Variants in CHN2 observed in about 807,000 individuals in gnomAD.
CHN2 encodes the protein chimerin 2, also known as beta-chimaerin.
Under a neutral mutation model 56.3 loss-of-function variants are expected in CHN2, and 35 were observed. The observed-to-expected ratio is 0.62, with a 90% CI of 0.47 to 0.82. The LOEUF is 0.82. Among genes scored for constraint, CHN2 ranks in the 40% least tolerant of loss-of-function variants. CHN2 has a pLI of 0.00. For missense variants in CHN2, 491 were observed against 580.5 expected (o/e 0.85, Z 1.58); for synonymous variants, 210 against 212.8 (o/e 0.99, Z 0.12).
Position 29,375,217 on chromosome 7 carries a change from T to C in CHN2, c.144+7230T>C, listed in dbSNP as rs866868989. Among the ~76,000 whole-genome samples the C allele has an allele frequency of 4.9e-4, 40 of 80,964 alleles. No individual in the cohort carries two copies. In the South Asian group the frequency reaches 9.3e-3, roughly 19 times the overall value. 53.1% of individuals were successfully genotyped at this position (80,964 alleles called of 152,430 possible). ...TTTTTTTTTTTTTTTTTTTTTTTTT[T>C]TGACGGAGTCTTGCTCTGTGGCCCA... On this transcript the variant is annotated intron_variant, in intron 3 of 12. Transcript: ENST00000222792.
chr7:29,279,788 C>A (rs1041106942), intron 1 of CHN2, among the ~76,000 whole-genome samples: 11 of 152,142 alleles, frequency 7.2e-5, no homozygotes, highest in African/African-American at 2.7e-4. Context: ...GATTTGGAAA[C>A]CAGTCTAGAG....
chr7:29,354,512 C>T, intron 1 of CHN2, 113 bp from the exon 2 acceptor site: 1 of 900,498 alleles, frequency 1.1e-6, no homozygotes, highest in South Asian at 1.5e-5. Context: ...GAGAGTCCCC[C>T]TGAGACCCGC....
At chr7:29,213,948 G>A (rs894135146) in intron 1 of CHN2, among the ~76,000 whole-genome samples, 2 of 151,912 alleles carry the variant, frequency 1.3e-5, no homozygotes, top group East Asian at 3.9e-4. Context: ...AGCAATAATT[G>A]CGCTTTTTAG....
At chr7:29,447,800 C>T (rs934942458) in intron 6 of CHN2, among the ~76,000 whole-genome samples, 1 of 152,154 alleles carries the variant, frequency 6.6e-6, no homozygotes, top group Non-Finnish European at 1.5e-5. Context: ...TCAAGTTGTG[C>T]ACTTAAAATA....
intron 1 of CHN2, among the ~76,000 whole-genome samples, chr7:29,228,549 T>C (rs1786413387): frequency 6.6e-6 from 1 of 152,230 alleles, no homozygotes; most frequent in Admixed American, 6.5e-5. Flanking sequence ...TGTATACATA[T>C]ACACATATTT....
intron 4 of CHN2, 87 bp downstream of exon 4, chr7:29,393,797 G>A: frequency 2.2e-6 from 1 of 463,654 alleles, no homozygotes; most frequent in Non-Finnish European, 3.5e-6. Flanking sequence ...TCTAATATAT[G>A]GTCATCATCA....
chr7:29,209,590 G>A (rs975972302), intron 1 of CHN2, among the ~76,000 whole-genome samples: 1 of 152,182 alleles, frequency 6.6e-6, no homozygotes, highest in East Asian at 1.9e-4. Context: ...AGGACAGTGA[G>A]GGTTGAAGGT....
intron 2 of CHN2, among the ~76,000 whole-genome samples, chr7:29,189,163 C>T (rs954043434): frequency 5.3e-5 from 8 of 151,958 alleles, no homozygotes; most frequent in Non-Finnish European, 1.0e-4. Context: ...GTTGGCCAGG[C>T]TGGTCTCGAA....
intron 1 of CHN2, among the ~76,000 whole-genome samples, chr7:29,302,735 T>A (rs1793791532): frequency 6.6e-6 from 1 of 152,298 alleles, no homozygotes; most frequent in South Asian, 2.1e-4. Context: ...ACTGAAACTC[T>A]GTACCGATTA....
intron 1 of CHN2, among the ~76,000 whole-genome samples, chr7:29,214,227 C>G (rs1785169368): frequency 6.6e-6 from 1 of 152,124 alleles, no homozygotes; most frequent in Admixed American, 6.5e-5. Flanking sequence ...TAGAGTAAGG[C>G]CCTAGGTCTT....
chr7:29,305,240 A>G (rs1474073601), intron 1 of CHN2, among the ~76,000 whole-genome samples: 2 of 152,162 alleles, frequency 1.3e-5, no homozygotes, highest in African/African-American at 4.8e-5. Context: ...GAGAAAGAAG[A>G]GTGTTTATAA....
At chr7:29,370,458 C>A (rs975283606) in intron 3 of CHN2, among the ~76,000 whole-genome samples, 3 of 152,104 alleles carry the variant, frequency 2.0e-5, no homozygotes, top group African/African-American at 7.2e-5. Context: ...TTTCTACGTA[C>A]GTTTTCCTAT....
intron 1 of CHN2, among the ~76,000 whole-genome samples, chr7:29,350,154 CAG>C (rs1267415384): frequency 6.6e-6 from 1 of 152,148 alleles, no homozygotes; most frequent in Non-Finnish European, 1.5e-5. Context: ...AATGATGTGT[CAG>C]AGGTCTAGAA....
intron 1 of CHN2, among the ~76,000 whole-genome samples, chr7:29,252,013 A>T (rs1788559246): frequency 6.6e-6 from 1 of 152,202 alleles, no homozygotes; most frequent in East Asian, 1.9e-4. Context: ...ACAAACAGCA[A>T]TAGAAAGGCT....
chr7:29,435,177 C>T (rs916082603), intron 6 of CHN2, among the ~76,000 whole-genome samples: 1 of 152,138 alleles, frequency 6.6e-6, no homozygotes, highest in African/African-American at 2.4e-5. Context: ...GTAAACATAT[C>T]CATCTGTTCA....
intron 1 of CHN2, among the ~76,000 whole-genome samples, chr7:29,273,347 A>ATGTG (rs1562881809): frequency 2.1e-3 from 79 of 37,160 alleles, no homozygotes; most frequent in African/African-American, 9.1e-3. Flanking sequence ...ATATGTGTAT[A>ATGTG]TATATATATA....
chr7:29,226,477 G>T (rs988612302), intron 1 of CHN2, among the ~76,000 whole-genome samples: 3 of 152,082 alleles, frequency 2.0e-5, no homozygotes, highest in Admixed American at 1.3e-4. Context: ...GTTCCATCTT[G>T]GAAACGTCAC....
intron 1 of CHN2, among the ~76,000 whole-genome samples, chr7:29,195,807 G>C (rs1562822226): frequency 6.6e-6 from 1 of 152,040 alleles, no homozygotes. Flanking sequence ...TAATTGAAGA[G>C]AAAAAAATTG....
intron 1 of CHN2, among the ~76,000 whole-genome samples, chr7:29,321,135 A>G (rs2128894216): frequency 6.6e-6 from 1 of 152,366 alleles, no homozygotes; most frequent in East Asian, 1.9e-4. Context: ...AAAATAGTTG[A>G]AAATTTTTTC....
Sources: gnomAD v4.1 joint callset for allele counts (sites outside exome capture counted in the v4.1 genomes callset) on GRCh38, gnomAD v4.1.1 for gene constraint, MANE v1.5 for transcripts, NCBI Gene and HGNC (gene_info 2026-07-23, HGNC 2026-07-21) for gene names.